SYNPR: variants seen among roughly 807,000 people sequenced by gnomAD.
SYNPR encodes the protein synaptoporin.
SYNPR carries 23 observed loss-of-function variants against 32.9 expected under a neutral mutation model. The observed-to-expected ratio is 0.70, with a 90% CI of 0.50 to 0.99. The LOEUF is 0.99. SYNPR is among the 50% of genes least tolerant of loss of function. The pLI is 0.00. For missense variants in SYNPR, 318 were observed against 349.3 expected, an observed-to-expected ratio of 0.91 and a Z score of 0.71; for synonymous variants, 146 against 135.9, an observed-to-expected ratio of 1.07 and a Z score of -0.52.
At chr3:63,473,295 A>C (rs557223828) in intron 2 of SYNPR, among the ~76,000 whole-genome samples, 6 of 152,276 alleles carry the variant, frequency 3.9e-5, no homozygotes, top group Middle Eastern at 6.8e-3. Context: ...AATTTCTGCC[A>C]CCACAGTAAA....
At chr3:63,432,965 C>T (rs1700020195) in intron 2 of SYNPR, among the ~76,000 whole-genome samples, 1 of 152,166 alleles carries the variant, frequency 6.6e-6, no homozygotes, top group African/African-American at 2.4e-5. Context: ...GCTTCTGATT[C>T]AGGAGAGGTC....
intron 2 of SYNPR, among the ~76,000 whole-genome samples, chr3:63,256,694 C>G (rs1404897661): frequency 1.3e-5 from 2 of 152,148 alleles, no homozygotes; most frequent in African/African-American, 4.8e-5. Context: ...AGCTCCTCAC[C>G]AGCAACAGAA....
intron 3 of SYNPR, among the ~76,000 whole-genome samples, chr3:63,507,475 A>G (rs1701611431): frequency 6.6e-6 from 1 of 152,228 alleles, no homozygotes; most frequent in Non-Finnish European, 1.5e-5. Flanking sequence ...TGTAAGTAAC[A>G]TTCTGTGAAG....
intron 2 of SYNPR, among the ~76,000 whole-genome samples, chr3:63,384,523 T>A (rs2088016812): frequency 6.6e-6 from 1 of 152,206 alleles, no homozygotes; most frequent in African/African-American, 2.4e-5. Context: ...ACAAGCCTTA[T>A]AATTCCCTAA....
At chr3:63,584,895 G>A (rs1459831409) in intron 4 of SYNPR, among the ~76,000 whole-genome samples, 1 of 152,060 alleles carries the variant, frequency 6.6e-6, no homozygotes, top group Non-Finnish European at 1.5e-5. Context: ...GACAGCACTG[G>A]CATCTCTTGG....
intron 4 of SYNPR, among the ~76,000 whole-genome samples, chr3:63,602,218 T>A (rs1001675707): frequency 2.0e-5 from 3 of 152,174 alleles, no homozygotes; most frequent in African/African-American, 7.2e-5. Flanking sequence ...TTGATTTGTT[T>A]AAGTTCCTTA....
rs76336656 is a variant in SYNPR at position 63,517,823 on chromosome 3, C to G, written c.209+36867C>G. ...GGCTCCAGTTTAGTGTACCTGACCC[C>G]AAAGCCAGAATCCTAATCATTGCTG... On this transcript the variant is annotated intron_variant, in intron 3 of 5. Transcript: ENST00000478300. Among the ~76,000 whole-genome samples, 528 of 152,252 alleles carry G rather than the reference C, an allele frequency of 3.5e-3. 13 individuals carry two copies. In the East Asian group the frequency reaches 0.061, roughly 18 times the overall value.
chr3:63,388,379 CTT>C (rs144044254), intron 2 of SYNPR, among the ~76,000 whole-genome samples: 14,366 of 83,288 alleles, frequency 0.17, 1,225 homozygotes, highest in East Asian at 0.37. Context: ...GTTTGGAGCT[CTT>C]TTTTTTTTTT....
At chr3:63,576,670 A>T (rs1328133642) in intron 4 of SYNPR, among the ~76,000 whole-genome samples, 2 of 151,980 alleles carry the variant, frequency 1.3e-5, no homozygotes, top group Admixed American at 6.6e-5. Flanking sequence ...ACGTGCCTGT[A>T]GTCCCAGCTA....
chr3:63,402,629 G>A (rs1223995598), intron 2 of SYNPR, among the ~76,000 whole-genome samples: 1 of 152,168 alleles, frequency 6.6e-6, no homozygotes, highest in African/African-American at 2.4e-5. Flanking sequence ...CAGTGGGAGT[G>A]TGCTTTGTGG....
intron 2 of SYNPR, among the ~76,000 whole-genome samples, chr3:63,420,131 G>C (rs1356732894): frequency 6.6e-6 from 1 of 152,088 alleles, no homozygotes; most frequent in Non-Finnish European, 1.5e-5. Flanking sequence ...ATATTGTAAA[G>C]ATGCAAATTT....
In SYNPR at chr3:63,291,086, G is replaced by A. The variant is rs1161103575; in HGVS notation, c.84+12344G>A. The stretch of plus-strand genomic sequence containing the variant: ...AAAAGGGGGTAGCTGGATGAATAGA[G>A]ATTATTATTGTGATTTAGAATGTAC... On this transcript the variant is annotated intron_variant, in intron 2 of 5. Transcript: ENST00000478300. Among the ~76,000 whole-genome samples, 11 of 152,184 alleles carry A rather than the reference G, an allele frequency of 7.2e-5. No individual in the cohort carries two copies. The East Asian group carries it at 1.7e-3, about 24-fold the overall frequency.
intron 4 of SYNPR, among the ~76,000 whole-genome samples, chr3:63,567,985 G>T (rs560479339): frequency 3.1e-4 from 47 of 152,190 alleles, no homozygotes; most frequent in Non-Finnish European, 5.6e-4. Flanking sequence ...TGGCCCACTA[G>T]CCAATTGGCT....
At chr3:63,509,315 T>C (rs1701650020) in intron 3 of SYNPR, among the ~76,000 whole-genome samples, 2 of 150,578 alleles carry the variant, frequency 1.3e-5, no homozygotes, top group Admixed American at 6.7e-5. Flanking sequence ...CACATATATA[T>C]AACTGAAAGA....
At chr3:63,549,851 A>G (rs1051484842) in intron 3 of SYNPR, 2 of 152,200 alleles carry the variant, frequency 1.3e-5, no homozygotes, top group African/African-American at 4.8e-5. Context: ...AAACCACTCT[A>G]AAATGGAGGC....
chr3:63,283,810 C>CTTTTTTTTT (rs142282438), intron 2 of SYNPR, among the ~76,000 whole-genome samples: 4 of 87,138 alleles, frequency 4.6e-5, no homozygotes, highest in African/African-American at 9.8e-5. Flanking sequence ...AGATAATTAC[C>CTTTTTTTTT]TTTTTTTTTT....
intron 2 of SYNPR, among the ~76,000 whole-genome samples, chr3:63,289,743 A>G (rs1346446112): frequency 1.3e-5 from 2 of 152,160 alleles, no homozygotes; most frequent in African/African-American, 4.8e-5. Flanking sequence ...TAAACACAAT[A>G]ATGTTTAAAA....
intron 2 of SYNPR, among the ~76,000 whole-genome samples, chr3:63,366,720 G>A (rs2107044313): frequency 6.6e-6 from 1 of 152,266 alleles, no homozygotes; most frequent in East Asian, 1.9e-4. Context: ...GAGTCATAGT[G>A]CCATTTCTGA....
chr3:63,557,509 G>C (rs976779030), intron 4 of SYNPR, among the ~76,000 whole-genome samples: 9 of 152,120 alleles, frequency 5.9e-5, no homozygotes, highest in African/African-American at 9.7e-5. Flanking sequence ...CACTGAAAAG[G>C]GGACCATTGA....
Sources: gnomAD v4.1 joint callset for allele counts (sites outside exome capture counted in the v4.1 genomes callset) on GRCh38, gnomAD v4.1.1 for gene constraint, MANE v1.5 for transcripts, NCBI Gene and HGNC (gene_info 2026-07-23, HGNC 2026-07-21) for gene names.